DLGAP1: variants seen among roughly 807,000 people sequenced by gnomAD.
DLGAP1 encodes the protein DLG associated protein 1.
In DLGAP1, 11 loss-of-function variants were observed where a neutral mutation model predicts 90.8. The ratio of observed to expected loss-of-function variants is 0.12; its 90% CI spans 0.08 to 0.20. DLGAP1 has a LOEUF of 0.20. Among genes scored for constraint, DLGAP1 ranks in the 10% least tolerant of loss-of-function variants. The pLI is 1.00. For missense variants in DLGAP1, 1,050 were observed against 1,333.8 expected (o/e 0.79, Z 3.31); for synonymous variants, 558 against 540.7 (o/e 1.03, Z -0.44).
chr18:4,321,260 A>G (rs1484812588), intron 1 of DLGAP1, among the ~76,000 whole-genome samples: 2 of 152,256 alleles, frequency 1.3e-5, no homozygotes, highest in African/African-American at 4.8e-5. Context: ...ACACAGAATC[A>G]ATCTGACTTA....
At chr18:4,409,640 G>C (rs943491634) in intron 1 of DLGAP1, among the ~76,000 whole-genome samples, 1 of 152,054 alleles carries the variant, frequency 6.6e-6, no homozygotes. Context: ...ATCGCATTGT[G>C]GTTTTGATTT....
At chr18:3,588,317 G>A (rs1184162716) in intron 7 of DLGAP1, among the ~76,000 whole-genome samples, 1 of 152,152 alleles carries the variant, frequency 6.6e-6, no homozygotes. Flanking sequence ...AAATTAGTCA[G>A]GCGTGGCAGC....
At chr18:3,880,216 C>G (rs2071119809) in intron 3 of DLGAP1, 76 bp from the exon 4 acceptor site, 2 of 731,806 alleles carry the variant, frequency 2.7e-6, no homozygotes, top group Admixed American at 4.8e-5. Flanking sequence ...CAGGGTCTTG[C>G]TCTGTTGCCC....
chr18:4,168,659 C>T (rs2076973973), intron 1 of DLGAP1, among the ~76,000 whole-genome samples: 1 of 152,172 alleles, frequency 6.6e-6, no homozygotes, highest in Non-Finnish European at 1.5e-5. Flanking sequence ...ATTTGTCCTC[C>T]TCTGACTAGT....
chr18:4,120,167 C>T (rs1455049241), intron 2 of DLGAP1, among the ~76,000 whole-genome samples: 1 of 152,144 alleles, frequency 6.6e-6, no homozygotes, highest in African/African-American at 2.4e-5. Context: ...CCTTTAAAAA[C>T]CATCCCTTGT....
intron 1 of DLGAP1, among the ~76,000 whole-genome samples, chr18:4,417,186 C>T (rs1039452620): frequency 6.6e-6 from 1 of 152,060 alleles, no homozygotes; most frequent in Non-Finnish European, 1.5e-5. Flanking sequence ...GACATGGCAA[C>T]CCACTGGTTG....
At chr18:4,106,381 T>TCATG (rs879936195) in intron 2 of DLGAP1, among the ~76,000 whole-genome samples, 1 of 152,182 alleles carries the variant, frequency 6.6e-6, no homozygotes, top group Non-Finnish European at 1.5e-5. Flanking sequence ...CAATCAGCTG[T>TCATG]CATGCCCCCA....
chr18:4,432,589 AGTGTGTGTGTGT>A (rs545618675), intron 1 of DLGAP1, among the ~76,000 whole-genome samples: 11 of 111,392 alleles, frequency 9.9e-5, no homozygotes, highest in Non-Finnish European at 2.1e-4. Flanking sequence ...CACCTCACAT[AGTGTGTGTGTGT>A]GTGTGTGTGT....
intron 3 of DLGAP1, among the ~76,000 whole-genome samples, chr18:3,889,061 A>G (rs1402246754): frequency 2.6e-5 from 4 of 152,106 alleles, no homozygotes; most frequent in Non-Finnish European, 5.9e-5. Flanking sequence ...TGCGGGTACA[A>G]TTGATGGGGG....
intron 4 of DLGAP1, among the ~76,000 whole-genome samples, chr18:3,844,893 T>C (rs1178858344): frequency 6.6e-6 from 1 of 152,198 alleles, no homozygotes; most frequent in Non-Finnish European, 1.5e-5. Flanking sequence ...CAATCAGTGC[T>C]TAAGTAATTT....
Position 4,006,656 on chromosome 18 carries a change from T to A in DLGAP1, c.-158-1455A>T, listed in dbSNP as rs572888340. Among the ~76,000 whole-genome samples the A allele has an allele frequency of 1.6e-4, 24 of 151,948 alleles. 1 individual carries two copies. The highest frequency in any genetic ancestry group is 1.2e-3 in the Admixed American group (19 of 15,272). ...CCCCACCCAACCCCTGGCTTTTTTT[T>A]TTTTTTTGAGACAGGGTATTGCTCT... On this transcript the variant is annotated intron_variant, in intron 2 of 12. Transcript: ENST00000315677.
At position 3,497,846 on chromosome 18, in the gene DLGAP1, A is replaced by T. The variant is rs1181952828; in HGVS notation, c.*1339T>A. ...CTTCTTTCAGTGTTTATGAATCATG[A>T]CTCCCCCCACCTCTTCATGGCTGTT... On this transcript the variant is annotated 3_prime_UTR_variant, in exon 13 of 13. Coordinates refer to ENST00000315677, the MANE Select transcript of DLGAP1 (RefSeq NM_004746.4). The T allele has an allele frequency of 6.6e-6, 1 of 151,802 alleles. No individual in the cohort carries two copies. Among genetic ancestry groups the T allele is most frequent in the Non-Finnish European group, 1.5e-5 (1 of 67,974 alleles). 9.4% of individuals were successfully genotyped at this position (151,802 alleles called of 1,614,324 possible).
At chr18:4,394,065 G>A (rs887689312) in intron 1 of DLGAP1, among the ~76,000 whole-genome samples, 2 of 152,106 alleles carry the variant, frequency 1.3e-5, no homozygotes, top group African/African-American at 4.8e-5. Flanking sequence ...CAACTAATAC[G>A]TAGAAGGTAT....
chr18:4,187,723 C>T (rs759775420), intron 1 of DLGAP1, among the ~76,000 whole-genome samples: 31 of 151,944 alleles, frequency 2.0e-4, no homozygotes, highest in Non-Finnish European at 4.0e-4. Context: ...GTCAGCTGGG[C>T]GTGGTGGCTC....
chr18:4,060,501 C>T (rs762636562), intron 2 of DLGAP1, among the ~76,000 whole-genome samples: 1 of 152,178 alleles, frequency 6.6e-6, no homozygotes, highest in African/African-American at 2.4e-5. Context: ...GACAGTCCTG[C>T]CTCGGAGGTT....
chr18:4,305,931 T>G (rs1406912318), intron 1 of DLGAP1, among the ~76,000 whole-genome samples: 1 of 151,802 alleles, frequency 6.6e-6, no homozygotes, highest in East Asian at 1.9e-4. Flanking sequence ...TCAGAGGAAT[T>G]TTAGGTTTTA....
intron 1 of DLGAP1, among the ~76,000 whole-genome samples, chr18:4,275,128 A>G (rs2079380543): frequency 1.3e-5 from 2 of 152,184 alleles, no homozygotes; most frequent in African/African-American, 4.8e-5. Context: ...GAGTATCAAA[A>G]TGCATTTAAA....
intron 1 of DLGAP1, among the ~76,000 whole-genome samples, chr18:4,357,092 T>C (rs72862199): frequency 2.0e-4 from 1 of 5,028 alleles, no homozygotes; most frequent in African/African-American, 2.2e-4. Context: ...TACGTGTGCG[T>C]GTGTGTGTGT....
intron 1 of DLGAP1, among the ~76,000 whole-genome samples, chr18:4,412,198 G>A (rs1251174918): frequency 6.6e-6 from 1 of 152,116 alleles, no homozygotes; most frequent in East Asian, 1.9e-4. Context: ...GCCAAGGCCT[G>A]GTCCTGTGTT....
Sources: gnomAD v4.1 joint callset for allele counts (sites outside exome capture counted in the v4.1 genomes callset) on GRCh38, gnomAD v4.1.1 for gene constraint, MANE v1.5 for transcripts, NCBI Gene and HGNC (gene_info 2026-07-23, HGNC 2026-07-21) for gene names.